The following ANAPC4 variants were observed in gnomAD, a reference collection of about 807,000 sequenced individuals.
The protein encoded by ANAPC4 is anaphase promoting complex subunit 4.
In ANAPC4, 63 loss-of-function variants were observed where a neutral mutation model predicts 119.8. The ratio of observed to expected loss-of-function variants is 0.53; its 90% CI spans 0.43 to 0.65. The LOEUF (loss-of-function observed/expected upper bound fraction) is 0.65, where lower values mean the gene tolerates loss of function less well. ANAPC4 is among the 30% of genes least tolerant of loss of function. The pLI is 0.00. For synonymous variants in ANAPC4, 283 were observed against 318.6 expected (o/e 0.89, Z 1.19); for missense variants, 716 against 945.1 (o/e 0.76, Z 3.18).
At chr4:25,378,225 G>A (rs1721516841) in intron 2 of ANAPC4, among the ~76,000 whole-genome samples, 1 of 152,234 alleles carries the variant, frequency 6.6e-6, no homozygotes, top group Admixed American at 6.5e-5. Context: ...ACTTTCTGCT[G>A]AGAGTTATTA....
chr4:25,414,165 C>A, intron 22 of ANAPC4, 159 bp from the exon 23 acceptor site: 1 of 552,382 alleles, frequency 1.8e-6, no homozygotes, highest in Non-Finnish European at 3.1e-6. Flanking sequence ...TCTCTTTTTC[C>A]TTACTGTTAC....
In ANAPC4 at chr4:25,414,455, TTTTA is replaced by T. The variant is rs1723749813; in HGVS notation, c.1686-7_1686-4del. On this transcript the variant is annotated splice_region_variant and splice_polypyrimidine_tract_variant and intron_variant, in intron 23 of 28. Transcript: ENST00000315368. ...TAAATTTTTCTCATTTCTTTTTCCC[TTTTA>T]TTTTAGTGAGGATTCTACACGTAGA... is the stretch of plus-strand genomic sequence containing the variant. 1.3e-6 allele frequency: 2 copies of T among 1,599,090 alleles called. No homozygotes were observed. The highest frequency in any genetic ancestry group is 2.2e-5 in the South Asian group (2 of 89,314).
In ANAPC4 at chr4:25,409,793, T is replaced by C. The variant is rs1306727891; in HGVS notation, c.1525+2T>C. The C allele has an allele frequency of 1.9e-6, 3 of 1,611,606 alleles. No homozygotes were observed. The highest frequency in any genetic ancestry group is 2.2e-5 in the South Asian group (2 of 90,954). On this transcript the variant is annotated splice_donor_variant, in intron 21 of 28. Transcript: ENST00000315368. LOFTEE classifies it high-confidence loss of function. ...TTCAAAATAGCAGCCACCTTAAAGGTACTTCATGAACCAACCAGATTTTGG... is the reference window on the plus strand; with the variant it reads ...TTCAAAATAGCAGCCACCTTAAAGGCACTTCATGAACCAACCAGATTTTGG...
chr4:25,381,308 G>C (rs568990834), intron 3 of ANAPC4, among the ~76,000 whole-genome samples: 7 of 152,128 alleles, frequency 4.6e-5, no homozygotes, highest in African/African-American at 1.7e-4. Context: ...TTCCCCCCCA[G>C]ACAGTGTCTC....
intron 11 of ANAPC4, 47 bp downstream of exon 11, chr4:25,393,938 T>A: frequency 7.0e-7 from 1 of 1,421,272 alleles, no homozygotes; most frequent in Non-Finnish European, 9.7e-7. Context: ...GAATGCATGA[T>A]GTATGTCTTT....
intron 3 of ANAPC4, among the ~76,000 whole-genome samples, chr4:25,382,088 C>T (rs1721762876): frequency 6.7e-6 from 1 of 150,318 alleles, no homozygotes; most frequent in Non-Finnish European, 1.5e-5. Flanking sequence ...TTATTTGGTG[C>T]ATACCATTTT....
At chr4:25,386,966 A>G (rs978247782) in intron 4 of ANAPC4, among the ~76,000 whole-genome samples, 39 of 152,256 alleles carry the variant, frequency 2.6e-4, no homozygotes, top group Non-Finnish European at 7.3e-5. Context: ...TCAATTTGCC[A>G]ATCAGTAATT....
At chr4:25,392,315 A>C (rs1333985280) in intron 9 of ANAPC4, 23 bp from the exon 10 acceptor site, 2 of 1,544,388 alleles carry the variant, frequency 1.3e-6, no homozygotes, top group East Asian at 2.2e-5. Flanking sequence ...ATGATGACTC[A>C]CTTTACTCTT....
chr4:25,399,084 A>G (rs567621887), intron 16 of ANAPC4, among the ~76,000 whole-genome samples: 9 of 151,244 alleles, frequency 6.0e-5, no homozygotes, highest in African/African-American at 2.2e-4. Flanking sequence ...TAAAAATATT[A>G]TACTGTATTT....
chr4:25,385,899 A>T (rs915646749), intron 4 of ANAPC4, among the ~76,000 whole-genome samples: 2 of 152,080 alleles, frequency 1.3e-5, no homozygotes, highest in Non-Finnish European at 2.9e-5. Context: ...GAACACTCAC[A>T]TTTCTCCATT....
At chr4:25,401,582 CT>C (rs1448709271) in intron 16 of ANAPC4, among the ~76,000 whole-genome samples, 1 of 152,230 alleles carries the variant, frequency 6.6e-6, no homozygotes. Context: ...CCCTGGGCTT[CT>C]CCAAGGCGGA....
chr4:25,377,411 G>A lies in ANAPC4; in HGVS notation c.-10-7G>A, dbSNP rs749586422. On this transcript the variant is annotated splice_polypyrimidine_tract_variant and splice_region_variant and intron_variant, in intron 1 of 28. Coordinates refer to ENST00000315368, the MANE Select transcript of ANAPC4 (RefSeq NM_013367.3). ...CCTGCCGGCCTCTGACTGGGGTGTC[G>A]TTGCAGGGCCGTCCCCATGTTGCGT... is the stretch of plus-strand genomic sequence containing the variant. 2.0e-5 allele frequency: 32 copies of A among 1,612,958 alleles called. No homozygotes were observed. Among genetic ancestry groups the A allele is most frequent in the Admixed American group, 6.7e-5 (4 of 59,992 alleles).
chr4:25,377,779 A>G (rs1721490952), intron 2 of ANAPC4, among the ~76,000 whole-genome samples: 1 of 152,220 alleles, frequency 6.6e-6, no homozygotes, highest in Non-Finnish European at 1.5e-5. Flanking sequence ...CGGTACTTTT[A>G]TGGCTAAAGT....
At chr4:25,379,008 G>C (rs867565367) in intron 2 of ANAPC4, among the ~76,000 whole-genome samples, 1 of 152,188 alleles carries the variant, frequency 6.6e-6, no homozygotes, top group Non-Finnish European at 1.5e-5. Flanking sequence ...TGTGGGGAGA[G>C]GGACAGTGAA....
chr4:25,398,334 A>G (rs1449798036), intron 16 of ANAPC4, among the ~76,000 whole-genome samples: 3 of 152,192 alleles, frequency 2.0e-5, no homozygotes, highest in South Asian at 2.1e-4. Flanking sequence ...AGGGGATTCA[A>G]CTTTATATAG....
intron 1 of ANAPC4, 25 bp downstream of exon 1, chr4:25,377,369 G>A (rs1374638652): frequency 1.2e-6 from 2 of 1,600,302 alleles, no homozygotes; most frequent in Non-Finnish European, 1.7e-6. Flanking sequence ...GGGGCTCCTC[G>A]TGGAGAGCCG....
intron 17 of ANAPC4, among the ~76,000 whole-genome samples, chr4:25,404,646 C>A (rs532748578): frequency 6.6e-6 from 1 of 152,064 alleles, no homozygotes; most frequent in Admixed American, 6.6e-5. Flanking sequence ...GCTTACCGCT[C>A]GGTCCTTCTC....
At chr4:25,403,067 A>C in intron 17 of ANAPC4, 41 bp downstream of exon 17, 1 of 1,430,588 alleles carries the variant, frequency 7.0e-7, no homozygotes, top group Non-Finnish European at 9.7e-7. Flanking sequence ...TAACACTTTA[A>C]AAAAATTATA....
intron 16 of ANAPC4, among the ~76,000 whole-genome samples, chr4:25,397,161 C>A (rs1458366456): frequency 6.6e-6 from 1 of 152,160 alleles, no homozygotes; most frequent in African/African-American, 2.4e-5. Context: ...ATTTTTAGTT[C>A]TTCTATGGGT....
Sources: allele counts gnomAD v4.1 joint callset (sites outside exome capture counted in the v4.1 genomes callset), GRCh38; gene constraint gnomAD v4.1.1; transcripts MANE v1.5; gene names NCBI Gene and HGNC (gene_info 2026-07-23, HGNC 2026-07-21).